The following DENND5B variants were observed in gnomAD, a reference collection of about 807,000 sequenced individuals.
DENND5B encodes DENN domain containing 5B, also known as DENN domain-containing protein 5B.
DENND5B carries 34 observed loss-of-function variants against 140.6 expected under a neutral mutation model. That is an observed-to-expected ratio of 0.24 (90% CI 0.18 to 0.32). The LOEUF is 0.32. Ranked by LOEUF, DENND5B falls within the 10% of genes least tolerant of loss-of-function variation. The probability of loss-of-function intolerance (pLI) is 1.00; values close to 1 mark genes in which losing one functional copy is unlikely to be tolerated. For synonymous variants in DENND5B, 551 were observed against 562.1 expected (o/e 0.98, Z 0.28); for missense variants, 1,142 against 1,560.2 (o/e 0.73, Z 4.52).
rs1188995096 is a variant in DENND5B at position 31,480,072 on chromosome 12, C to T, written c.421G>A (p.Ala141Thr). The T allele has an allele frequency of 5.6e-6, 9 of 1,613,950 alleles. No individual in the cohort carries two copies. The highest frequency in any genetic ancestry group is 1.1e-5 in the South Asian group (1 of 91,072). Residue 141 changes from alanine (A) to threonine (T), a missense_variant, in exon 3 of 21, where the codon GCT (alanine) becomes ACT (threonine). By Grantham distance (58) the Ala-to-Thr change is moderately conservative. Coordinates refer to ENST00000389082, the MANE Select transcript of DENND5B (RefSeq NM_144973.4). ...AMQTLYQMHN[A>T]EHYSSVYASS... ...GCATACACACTGCTGTAATGCTCAG[C>T]GTTGTGCATCTGGTAAAGTGTCTGC... is the stretch of plus-strand genomic sequence containing the variant.
At chr12:31,510,758 C>T (rs983688417) in intron 1 of DENND5B, among the ~76,000 whole-genome samples, 1 of 152,166 alleles carries the variant, frequency 6.6e-6, no homozygotes, top group Non-Finnish European at 1.5e-5. Flanking sequence ...AGCAACTCTC[C>T]CTATTTTAGG....
rs910197845 is a variant in DENND5B at position 31,499,799 on chromosome 12, T to C, written c.128-3880A>G. ...GCAATCACACAGGAGACATTAACAT[T>C]AGAATGTAGCTTAACACCAATGGAA... On this transcript the variant is annotated intron_variant, in intron 1 of 20. Transcript: ENST00000389082. The C allele has an allele frequency of 8.0e-6, 5 of 623,158 alleles. 1 individual carries two copies. The South Asian group carries it at 1.1e-4, about 14-fold the overall frequency. The allele number at this position is 623,158 out of a possible 1,614,324, so 38.6% of individuals were successfully genotyped here.
At chr12:31,435,931 G>C (rs1943732899) in intron 7 of DENND5B, among the ~76,000 whole-genome samples, 1 of 152,056 alleles carries the variant, frequency 6.6e-6, no homozygotes, top group African/African-American at 2.4e-5. Context: ...CAAGTAGGTG[G>C]GATTACAGGT....
intron 7 of DENND5B, among the ~76,000 whole-genome samples, chr12:31,436,869 T>C (rs1033646674): frequency 2.0e-5 from 3 of 152,092 alleles, no homozygotes; most frequent in African/African-American, 7.2e-5. Context: ...GTGTTTCCAA[T>C]GAAATAAGTT....
intron 1 of DENND5B, among the ~76,000 whole-genome samples, chr12:31,512,777 A>G (rs1295795904): frequency 6.6e-6 from 1 of 152,192 alleles, no homozygotes; most frequent in East Asian, 1.9e-4. Flanking sequence ...AAGTAAATTT[A>G]ATTTTTAGAA....
Position 31,416,773 on chromosome 12 carries a change from G to T in DENND5B, c.2471-1325C>A, listed in dbSNP as rs573186633. 3.3e-5 allele frequency among the ~76,000 whole-genome samples: 5 copies of T among 152,030 alleles called. No homozygotes were observed. The South Asian group carries it at 8.3e-4, about 25-fold the overall frequency. On this transcript the variant is annotated intron_variant, in intron 11 of 20. Transcript: ENST00000389082. ...ACACTTTGGGAGGCCAAGGCAGGAGGATTACTTGAGCCCAGGAGTTCAAGA... is the reference window on the plus strand; with the variant it reads ...ACACTTTGGGAGGCCAAGGCAGGAGTATTACTTGAGCCCAGGAGTTCAAGA...
Position 31,590,820 on chromosome 12 carries a change from AGCTCCCGCTCATCCCGGCCGCGCT to A in DENND5B, c.-12_12del. Reference sequence around the variant, plus strand: ...CCCGAGCCCGGGCCGGGCGCCGCGCAGCTCCCGCTCATCCCGGCCGCGCTGCTCCAGGGGCCGCCGCCGCCGCCG... The same window carrying A: ...CCCGAGCCCGGGCCGGGCGCCGCGCAGCTCCAGGGGCCGCCGCCGCCGCCG... On this transcript the variant is annotated start_lost and 5_prime_UTR_variant, in exon 1 of 21. Coordinates refer to ENST00000389082, the MANE Select transcript of DENND5B (RefSeq NM_144973.4). 7.8e-7 allele frequency: 1 copy of A among 1,280,212 alleles called. No homozygotes were observed. The highest frequency in any genetic ancestry group is 9.8e-7 in the Non-Finnish European group (1 of 1,017,354). 79.3% of individuals were successfully genotyped at this position (1,280,212 alleles called of 1,614,324 possible). A position where few individuals can be genotyped will look rare whatever the true frequency, so the allele number is the denominator to read the frequency against.
chr12:31,547,087 T>C lies in DENND5B; in HGVS notation c.127+43619A>G, dbSNP rs568100910. Reference sequence around the variant, plus strand: ...GAGTTTCTCTGAGGTCACTGCCATGTTGCTTCCTATCAGACAAGTTAACAC... The same window carrying C: ...GAGTTTCTCTGAGGTCACTGCCATGCTGCTTCCTATCAGACAAGTTAACAC... On this transcript the variant is annotated intron_variant, in intron 1 of 20. Transcript: ENST00000389082. Among the ~76,000 whole-genome samples the C allele has an allele frequency of 1.8e-4, 27 of 152,360 alleles. 1 individual carries two copies. The highest frequency in any genetic ancestry group is 6.5e-4 in the Admixed American group (10 of 15,304).
intron 4 of DENND5B, among the ~76,000 whole-genome samples, chr12:31,457,395 C>T (rs1015013225): frequency 6.6e-6 from 1 of 152,280 alleles, no homozygotes; most frequent in South Asian, 2.1e-4. Flanking sequence ...TAGCTAGCAA[C>T]TAAAATCATA....
intron 1 of DENND5B, among the ~76,000 whole-genome samples, chr12:31,503,910 GT>G (rs1296245128): frequency 2.6e-5 from 4 of 152,004 alleles, no homozygotes; most frequent in Non-Finnish European, 5.9e-5. Context: ...CAGAAGCCTA[GT>G]TTTAAACAAA....
chr12:31,413,662 T>C (rs752938086), intron 12 of DENND5B, 98 bp from the exon 13 acceptor site: 424 of 1,331,692 alleles, frequency 3.2e-4, no homozygotes, highest in Non-Finnish European at 3.8e-4. Context: ...GAAAGGTTTA[T>C]ACTTAAAGGG....
At chr12:31,556,637 C>T (rs572262369) in intron 1 of DENND5B, among the ~76,000 whole-genome samples, 1 of 152,260 alleles carries the variant, frequency 6.6e-6, no homozygotes, top group African/African-American at 2.4e-5. Flanking sequence ...GGCAACATAG[C>T]AAGACCCTAT....
At chr12:31,481,183 T>C (rs1297495692) in intron 2 of DENND5B, among the ~76,000 whole-genome samples, 1 of 152,234 alleles carries the variant, frequency 6.6e-6, no homozygotes, top group East Asian at 1.9e-4. Context: ...AATTTAACCA[T>C]ATATTATTAC....
intron 3 of DENND5B, among the ~76,000 whole-genome samples, chr12:31,476,677 C>G (rs543090961): frequency 6.6e-6 from 1 of 152,032 alleles, no homozygotes; most frequent in African/African-American, 2.4e-5. Context: ...CTACTCGGGA[C>G]GCTGAGATGG....
chr12:31,393,818 G>A (rs1472019742), intron 17 of DENND5B, among the ~76,000 whole-genome samples: 1 of 152,116 alleles, frequency 6.6e-6, no homozygotes, highest in East Asian at 1.9e-4. Context: ...CTCCCGTGTA[G>A]CTGGGACTAC....
At chr12:31,479,256 T>C (rs1199911611) in intron 3 of DENND5B, among the ~76,000 whole-genome samples, 1 of 152,234 alleles carries the variant, frequency 6.6e-6, no homozygotes, top group Non-Finnish European at 1.5e-5. Context: ...CAGAGTTCTC[T>C]CACTCTCATT....
chr12:31,573,378 A>C (rs1441499713), intron 1 of DENND5B, among the ~76,000 whole-genome samples: 3 of 152,222 alleles, frequency 2.0e-5, no homozygotes, highest in African/African-American at 7.2e-5. Context: ...ACTGATGTTC[A>C]GATAAAAGCT....
At chr12:31,532,935 T>C (rs1948339115) in intron 1 of DENND5B, among the ~76,000 whole-genome samples, 1 of 152,218 alleles carries the variant, frequency 6.6e-6, no homozygotes, top group South Asian at 2.1e-4. Flanking sequence ...TCAGACATTA[T>C]AAACAGGACT....
rs1345733746 is a variant in DENND5B, at chr12:31,384,704, G to C, written c.*2899C>G. On this transcript the variant is annotated 3_prime_UTR_variant, in exon 21 of 21. Coordinates refer to ENST00000389082, the MANE Select transcript of DENND5B (RefSeq NM_144973.4). ...AACTTCAGGTGTAACTTTTTTGGGG[G>C]TATTACTTTTTAAAGTAATGGTTTT... The C allele has an allele frequency of 6.6e-6, 1 of 151,898 alleles. No individual in the cohort carries two copies. The highest frequency in any genetic ancestry group is 1.5e-5 in the Non-Finnish European group (1 of 67,992). The allele number at this position is 151,898 out of a possible 1,614,324, so 9.4% of individuals were successfully genotyped here.
Sources: gnomAD v4.1 joint callset for allele counts (sites outside exome capture counted in the v4.1 genomes callset) on GRCh38, gnomAD v4.1.1 for gene constraint, MANE v1.5 for transcripts, NCBI Gene and HGNC (gene_info 2026-07-23, HGNC 2026-07-21) for gene names.